FBLN1: variants seen among roughly 807,000 people sequenced by gnomAD.
The protein encoded by FBLN1 is fibulin 1.
FBLN1 carries 34 observed loss-of-function variants against 89.7 expected under a neutral mutation model. The observed-to-expected ratio is 0.38, with a 90% CI of 0.29 to 0.50. The LOEUF (loss-of-function observed/expected upper bound fraction) is 0.50. FBLN1 is among the 20% of genes least tolerant of loss of function. The pLI is 0.92. For synonymous variants in FBLN1, 393 were observed against 391.3 expected (o/e 1.00, Z -0.05); for missense variants, 777 against 988.1 (o/e 0.79, Z 2.86).
intron 1 of FBLN1, chr22:45,517,727 C>CG (rs746071318): frequency 3.0e-4 from 127 of 429,888 alleles, no homozygotes; most frequent in African/African-American, 2.4e-3. Flanking sequence ...CCATCACCAG[C>CG]CTCGGTTTCC....
intron 3 of FBLN1, among the ~76,000 whole-genome samples, chr22:45,526,544 C>T (rs1204094361): frequency 2.7e-5 from 1 of 37,576 alleles, no homozygotes; most frequent in Non-Finnish European, 6.8e-5. Context: ...CTGGAAGAAG[C>T]TTCCCGTTCC....
At chr22:45,528,664 T>C (rs1420840131) in intron 4 of FBLN1, among the ~76,000 whole-genome samples, 1 of 152,102 alleles carries the variant, frequency 6.6e-6, no homozygotes, top group Non-Finnish European at 1.5e-5. Context: ...CTCTAAAATA[T>C]AGCTTCACAG....
intron 4 of FBLN1, among the ~76,000 whole-genome samples, chr22:45,528,630 C>G (rs1428557444): frequency 6.6e-6 from 1 of 152,144 alleles, no homozygotes. Context: ...CAGGTGTGAG[C>G]CATCGTGCCT....
At position 45,563,991 on chromosome 22, in the gene FBLN1, C is replaced by A. The variant is rs1279867865; in HGVS notation, c.1698-10520C>A. Among the ~76,000 whole-genome samples the A allele has an allele frequency of 6.6e-6, 1 of 152,186 alleles. No individual in the cohort carries two copies. The highest frequency in any genetic ancestry group is 1.5e-5 in the Non-Finnish European group (1 of 68,022). On this transcript the variant is annotated intron_variant, in intron 14 of 16. Transcript: ENST00000327858. The surrounding 1 kb of genome is among the most constrained non-coding windows in gnomAD (Gnocchi z 5.7). ...CCCTGTGCCGGGGGGAGGCAAAGGA[C>A]CACACAATACATGTGATACTCACGG...
At chr22:45,529,284 A>G (rs1460989831) in intron 4 of FBLN1, among the ~76,000 whole-genome samples, 2 of 152,156 alleles carry the variant, frequency 1.3e-5, no homozygotes, top group Non-Finnish European at 2.9e-5. Flanking sequence ...CAAATCATAG[A>G]CACTTACTCA....
chr22:45,556,435 T>G lies in FBLN1; in HGVS notation c.1697+5820T>G, dbSNP rs1202252322. Among the ~76,000 whole-genome samples, 1 of 152,156 alleles carries G rather than the reference T, an allele frequency of 6.6e-6. No homozygotes were observed. The highest frequency in any genetic ancestry group is 1.5e-5 in the Non-Finnish European group (1 of 68,002). Reference sequence around the variant, plus strand: ...ATTCCCTTTGCCTTCAGCAAGCACCTTGGCAGATCTTGTTTTTTTTTTTTC... The same window carrying G: ...ATTCCCTTTGCCTTCAGCAAGCACCGTGGCAGATCTTGTTTTTTTTTTTTC... On this transcript the variant is annotated intron_variant, in intron 14 of 16. Transcript: ENST00000327858. This position sits in a 1 kb window ranked among gnomAD's most constrained non-coding sequence, Gnocchi z 4.6.
rs539282336 is a variant in FBLN1, at chr22:45,520,137, C to A, written c.185+1350C>A. Among the ~76,000 whole-genome samples the A allele has an allele frequency of 2.4e-4, 37 of 152,272 alleles. No homozygotes were observed. The South Asian group carries it at 7.1e-3, about 29-fold the overall frequency. On this transcript the variant is annotated intron_variant, in intron 2 of 16. Coordinates refer to ENST00000327858, the MANE Select transcript of FBLN1 (RefSeq NM_006486.3). The stretch of plus-strand genomic sequence containing the variant: ...GTGAGCTGAGACCGTTCATTGTACT[C>A]CAGCCTAGGTGACAGAGTGAGACTC...
chr22:45,534,546 G>A (rs1047254573), intron 7 of FBLN1, among the ~76,000 whole-genome samples: 36 of 152,288 alleles, frequency 2.4e-4, no homozygotes, highest in Non-Finnish European at 4.3e-4. Flanking sequence ...CTTTCAGAAG[G>A]ACAAATCCAC....
intron 14 of FBLN1, among the ~76,000 whole-genome samples, chr22:45,567,161 G>A (rs182566123): frequency 7.2e-4 from 109 of 152,320 alleles, no homozygotes; most frequent in African/African-American, 2.3e-3. Flanking sequence ...CAGCAAATAC[G>A]GGGGAGAGGC....
Position 45,574,400 on chromosome 22 carries a change from G to T in FBLN1, c.1698-111G>T. On this transcript the variant is annotated intron_variant, in intron 14 of 16. Transcript: ENST00000327858. This position sits in a 1 kb window ranked among gnomAD's most constrained non-coding sequence, Gnocchi z 4.1. ...GTCGTTCTCTGATGGAGCTGTCTCT[G>T]GGACAGATGCCCCTGCCCTGGCCAC... 3.4e-6 allele frequency: 4 copies of T among 1,176,846 alleles called. No homozygotes were observed. Among genetic ancestry groups the T allele is most frequent in the Non-Finnish European group, 5.0e-6 (4 of 806,098 alleles). 72.9% of individuals were successfully genotyped at this position (1,176,846 alleles called of 1,614,324 possible). A position where few individuals can be genotyped will look rare whatever the true frequency, so the allele number is the denominator to read the frequency against.
chr22:45,534,322 C>T (rs956846739), intron 7 of FBLN1, among the ~76,000 whole-genome samples: 2 of 61,982 alleles, frequency 3.2e-5, no homozygotes, highest in Non-Finnish European at 6.8e-5. Flanking sequence ...AAAAAAAAAG[C>T]AAAAACAAAA....
chr22:45,591,369 A>G (rs1255269367), intron 16 of FBLN1, among the ~76,000 whole-genome samples: 4 of 152,000 alleles, frequency 2.6e-5, no homozygotes, highest in Non-Finnish European at 4.4e-5. Flanking sequence ...GAAGGGCTTT[A>G]GTCCAAAGCT....
intron 1 of FBLN1, among the ~76,000 whole-genome samples, chr22:45,518,409 T>G (rs906298973): frequency 3.2e-4 from 48 of 152,270 alleles, no homozygotes; most frequent in Admixed American, 2.5e-3. Context: ...CCATGTGTGC[T>G]TGGATCTCAG....
rs759249380 is a variant in FBLN1, at chr22:45,563,294, C to T, written c.1698-11217C>T. 6.2e-7 allele frequency: 1 copy of T among 1,613,122 alleles called. No homozygotes were observed. Among genetic ancestry groups the T allele is most frequent in the South Asian group, 1.1e-5 (1 of 91,058 alleles). ...ACTCGCTTCGCGTCGCGGGGTCTCC[C>T]TCCTGTTGCTTTCCTAACCCTGCCC... On this transcript the variant is annotated intron_variant, in intron 14 of 16. Coordinates refer to ENST00000327858, the MANE Select transcript of FBLN1 (RefSeq NM_006486.3). The surrounding 1 kb of genome is among the most constrained non-coding windows in gnomAD (Gnocchi z 5.7).
At chr22:45,523,429 G>A (rs928805591) in intron 2 of FBLN1, among the ~76,000 whole-genome samples, 4 of 152,324 alleles carry the variant, frequency 2.6e-5, no homozygotes, top group South Asian at 2.1e-4. Flanking sequence ...GAGGCCGGGC[G>A]CAGTGGCTCA....
chr22:45,506,063 C>T (rs554425466), intron 1 of FBLN1, among the ~76,000 whole-genome samples: 5 of 152,364 alleles, frequency 3.3e-5, no homozygotes, highest in East Asian at 1.9e-4. Context: ...GCCACCGTGC[C>T]GGCTGGCAGC....
Position 45,575,212 on chromosome 22 carries a change from C to T in FBLN1, c.1840+559C>T, listed in dbSNP as rs952209108. Among the ~76,000 whole-genome samples, 14 of 152,128 alleles carry T rather than the reference C, an allele frequency of 9.2e-5. No homozygotes were observed. The highest frequency in any genetic ancestry group is 1.4e-4 in the African/African-American group (6 of 41,420). The stretch of plus-strand genomic sequence containing the variant: ...GGGTAACGGTTGTTCTGCAGAGAGC[C>T]ATTAAGCGCTGATTCTGTGACCAGC... On this transcript the variant is annotated intron_variant, in intron 15 of 16. Transcript: ENST00000327858. The surrounding 1 kb of genome is among the most constrained non-coding windows in gnomAD (Gnocchi z 6.3).
At chr22:45,547,495 A>G (rs552566358) in intron 12 of FBLN1, among the ~76,000 whole-genome samples, 2 of 147,200 alleles carry the variant, frequency 1.4e-5, no homozygotes, top group Non-Finnish European at 3.0e-5. Context: ...TCCCAGGCTC[A>G]AGTGATCCTC....
At position 45,550,651 on chromosome 22, in the gene FBLN1, G is replaced by T; in HGVS notation, c.1697+36G>T. ...TGGACCATGCCATCGTCGTCTGTCTGTGTTGGCCTTCCTGGTGACCCAGTT... is the reference window on the plus strand; with the variant it reads ...TGGACCATGCCATCGTCGTCTGTCTTTGTTGGCCTTCCTGGTGACCCAGTT... On this transcript the variant is annotated intron_variant, in intron 14 of 16. Coordinates refer to ENST00000327858, the MANE Select transcript of FBLN1 (RefSeq NM_006486.3). The surrounding 1 kb of genome is among the most constrained non-coding windows in gnomAD (Gnocchi z 8.4). The T allele has an allele frequency of 6.2e-7, 1 of 1,613,924 alleles. No homozygotes were observed. Among genetic ancestry groups the T allele is most frequent in the Non-Finnish European group, 8.5e-7 (1 of 1,180,020 alleles).
Sources: gnomAD v4.1 joint callset for allele counts (sites outside exome capture counted in the v4.1 genomes callset) on GRCh38, gnomAD v4.1.1 for gene constraint, Gnocchi (gnomAD v3.1) non-coding constraint, MANE v1.5 for transcripts, NCBI Gene and HGNC (gene_info 2026-07-23, HGNC 2026-07-21) for gene names.